Variants in DMD observed in about 807,000 individuals in gnomAD.
The protein encoded by DMD is dystrophin.
Under a neutral mutation model 330.1 loss-of-function variants are expected in DMD, and 63 were observed. That is an observed-to-expected ratio of 0.19 (90% CI 0.16 to 0.24). The LOEUF is 0.24. Among genes scored for constraint, DMD ranks in the 10% least tolerant of loss-of-function variants. DMD has a pLI of 1.00. For missense variants in DMD, 3,344 were observed against 2,684.1 expected, an observed-to-expected ratio of 1.25 and a Z score of -5.43; for synonymous variants, 1,223 against 959.8, an observed-to-expected ratio of 1.27 and a Z score of -5.07.
chrX:32,705,422 C>A (rs1480947260), intron 7 of DMD, among the ~76,000 whole-genome samples: 3 of 111,927 alleles, frequency 2.7e-5, no homozygotes, highest in East Asian at 5.6e-4. Context: ...AGGAGAAACA[C>A]AAAACAATTT....
At chrX:32,389,770 A>C in intron 31 of DMD, 96 bp from the exon 32 acceptor site, 2 of 857,370 alleles carry the variant, frequency 2.3e-6, no homozygotes, top group Non-Finnish European at 3.4e-6. Context: ...ATTTCTGAAG[A>C]TATACAGAAA....
chrX:33,146,625 C>G (rs4829281), intron 1 of DMD, among the ~76,000 whole-genome samples: 1 of 108,934 alleles, frequency 9.2e-6, no homozygotes, highest in Non-Finnish European at 1.9e-5. Context: ...GCTTTTCAGT[C>G]TTCCTGTGTT....
intron 1 of DMD, among the ~76,000 whole-genome samples, chrX:33,062,839 A>T (rs929228862): frequency 2.8e-4 from 31 of 112,477 alleles, no homozygotes; most frequent in Non-Finnish European, 1.9e-5. Context: ...TTTTTATAAT[A>T]CTAAATATGA....
At chrX:31,413,571 G>A (rs2061736428) in intron 60 of DMD, among the ~76,000 whole-genome samples, 1 of 111,701 alleles carries the variant, frequency 9.0e-6, no homozygotes, top group South Asian at 3.7e-4. Flanking sequence ...GTACAGGCAA[G>A]GAGGCACCAC....
At chrX:31,645,128 C>A (rs1329075903) in intron 54 of DMD, among the ~76,000 whole-genome samples, 1 of 111,818 alleles carries the variant, frequency 8.9e-6, no homozygotes, top group African/African-American at 3.3e-5. Flanking sequence ...ACGTTATTAG[C>A]AGATCCCAGC....
intron 1 of DMD, among the ~76,000 whole-genome samples, chrX:33,302,256 G>C (rs888641877): frequency 9.0e-6 from 1 of 110,894 alleles, no homozygotes; most frequent in African/African-American, 3.3e-5. Context: ...CATGTCTTTA[G>C]GGAAGAGTCT....
At chrX:32,658,053 C>T (rs1023857683) in intron 9 of DMD, among the ~76,000 whole-genome samples, 2 of 111,509 alleles carry the variant, frequency 1.8e-5, no homozygotes, top group East Asian at 5.6e-4. Context: ...AATAATATTC[C>T]TCTAGAATGA....
intron 59 of DMD, among the ~76,000 whole-genome samples, chrX:31,474,276 A>G (rs1214354663): frequency 8.9e-6 from 1 of 111,949 alleles, no homozygotes; most frequent in Non-Finnish European, 1.9e-5. Context: ...CAATTACAGA[A>G]TGCTAAATCT....
chrX:31,368,000 C>G, intron 60 of DMD, among the ~76,000 whole-genome samples: 1 of 112,121 alleles, frequency 8.9e-6, no homozygotes, highest in Non-Finnish European at 1.9e-5. Context: ...TGCATCACAT[C>G]TTGTCAGCCC....
intron 1 of DMD, among the ~76,000 whole-genome samples, chrX:33,105,076 T>A (rs761586836): frequency 1.8e-4 from 20 of 112,099 alleles, no homozygotes; most frequent in Non-Finnish European, 3.4e-4. Flanking sequence ...AAACGTCTAT[T>A]CCTACATAGA....
At chrX:32,194,434 T>C (rs2096989368) in intron 44 of DMD, among the ~76,000 whole-genome samples, 1 of 112,334 alleles carries the variant, frequency 8.9e-6, no homozygotes, top group Admixed American at 9.4e-5. Flanking sequence ...TAACTTCATG[T>C]AAATACCCAT....
At chrX:32,910,965 G>A (rs974614310) in intron 2 of DMD, among the ~76,000 whole-genome samples, 2 of 111,744 alleles carry the variant, frequency 1.8e-5, no homozygotes, top group African/African-American at 6.5e-5. Context: ...CAGAGCTAAT[G>A]TTTATCCCTG....
intron 62 of DMD, among the ~76,000 whole-genome samples, chrX:31,289,310 T>C (rs766175896): frequency 3.7e-4 from 34 of 91,809 alleles, no homozygotes; most frequent in African/African-American, 1.4e-3. Context: ...AAAATCAAAA[T>C]TTAACACTCT....
At chrX:33,225,347 T>C (rs2052266656) in intron 1 of DMD, among the ~76,000 whole-genome samples, 1 of 111,691 alleles carries the variant, frequency 9.0e-6, no homozygotes, top group African/African-American at 3.2e-5. Context: ...TAGTGTGGTG[T>C]TGGTGTTGGG....
intron 44 of DMD, among the ~76,000 whole-genome samples, chrX:32,039,401 G>A (rs927227927): frequency 9.0e-6 from 1 of 111,206 alleles, no homozygotes; most frequent in Non-Finnish European, 1.9e-5. Flanking sequence ...AAAATATCCC[G>A]TTTCCAAGTC....
chrX:32,947,704 C>A (rs2090917235), intron 2 of DMD, among the ~76,000 whole-genome samples: 1 of 111,153 alleles, frequency 9.0e-6, no homozygotes, highest in Non-Finnish European at 1.9e-5. Flanking sequence ...TTCAAAATGC[C>A]CTGGGAAATT....
chrX:33,067,379 T>TA (rs761095795), intron 1 of DMD, among the ~76,000 whole-genome samples: 83 of 112,554 alleles, frequency 7.4e-4, no homozygotes, highest in Non-Finnish European at 6.0e-4. Context: ...ATAACCTTGT[T>TA]ACAAAGATTC....
chrX:31,699,111 T>C (rs2083630682), intron 52 of DMD, among the ~76,000 whole-genome samples: 1 of 111,924 alleles, frequency 8.9e-6, no homozygotes, highest in South Asian at 3.8e-4. Flanking sequence ...CACAAGGCAC[T>C]GAGAAAAGTA....
At chrX:32,570,430 C>T (rs1157208773) in intron 15 of DMD, among the ~76,000 whole-genome samples, 2 of 111,936 alleles carry the variant, frequency 1.8e-5, no homozygotes, top group African/African-American at 6.5e-5. Flanking sequence ...TGACATAACA[C>T]AAATTTTAAT....
Sources: allele counts gnomAD v4.1 joint callset (sites outside exome capture counted in the v4.1 genomes callset), GRCh38; gene constraint gnomAD v4.1.1; transcripts MANE v1.5; gene names NCBI Gene and HGNC (gene_info 2026-07-23, HGNC 2026-07-21).